PCDHGA7: variants seen among roughly 807,000 people sequenced by gnomAD.
The protein encoded by PCDHGA7 is protocadherin gamma subfamily A, 7.
PCDHGA7 carries 44 observed loss-of-function variants against 58.3 expected under a neutral mutation model. The observed-to-expected ratio is 0.75, with a 90% CI of 0.59 to 0.97. The LOEUF (loss-of-function observed/expected upper bound fraction) is 0.97. Ranked by LOEUF, PCDHGA7 falls within the 50% of genes least tolerant of loss-of-function variation. PCDHGA7 has a pLI of 0.00. For missense variants in PCDHGA7, 1,266 were observed against 1,188.7 expected, an observed-to-expected ratio of 1.06 and a Z score of -0.96; for synonymous variants, 516 against 504.2, an observed-to-expected ratio of 1.02 and a Z score of -0.31.
At chr5:141,463,417 G>A (rs548514637) in intron 1 of PCDHGA7, among the ~76,000 whole-genome samples, 1 of 146,650 alleles carries the variant, frequency 6.8e-6, no homozygotes, top group South Asian at 2.2e-4. Context: ...ATCCTAGTTT[G>A]CGGATCCTCA....
rs763840734 is a variant in PCDHGA7, at chr5:141,428,113, T to C, written c.2424+42790T>C. The stretch of plus-strand genomic sequence containing the variant: ...CTGTCCTACCACGTGCTGCAGGCCA[T>C]CGAGCCCGGGCTTTTCAGCCTGGGG... On this transcript the variant is annotated intron_variant, in intron 1 of 3. Transcript: ENST00000518325. 1.0e-5 allele frequency: 16 copies of C among 1,607,374 alleles called. No homozygotes were observed. In the African/African-American group the frequency reaches 1.9e-4, roughly 19 times the overall value.
rs140184617 is a variant in PCDHGA7, at chr5:141,405,523, G to A, written c.2424+20200G>A. ...CAACCTCCGCCTCCCAAATTCAAGC[G>A]ATTCTCCTGCCTCAGCCTCCCAAGT... is the stretch of plus-strand genomic sequence containing the variant. On this transcript the variant is annotated intron_variant, in intron 1 of 3. Transcript: ENST00000518325. 5.4e-4 allele frequency: 366 copies of A among 679,318 alleles called. 4 individuals carry two copies. In the East Asian group the frequency reaches 9.7e-3, roughly 18 times the overall value. The allele number at this position is 679,318 out of a possible 1,614,324, so 42.1% of individuals were successfully genotyped here.
At position 141,463,977 on chromosome 5, in the gene PCDHGA7, T is replaced by C. The variant is rs948698340; in HGVS notation, c.2425-30830T>C. On this transcript the variant is annotated intron_variant, in intron 1 of 3. Coordinates refer to ENST00000518325, the MANE Select transcript of PCDHGA7 (RefSeq NM_018920.4). ...TTTAAAATAGCTTCATAAAACTCCA[T>C]TGTAAAAACCAGGTGCAGTGGCTCA... Among the ~76,000 whole-genome samples the C allele has an allele frequency of 2.6e-5, 4 of 152,258 alleles. 1 individual carries two copies. The highest frequency in any genetic ancestry group is 4.4e-5 in the Non-Finnish European group (3 of 68,004).
In PCDHGA7 at chr5:141,385,200, C is replaced by T. The variant is rs776177043; in HGVS notation, c.2301C>T (p.His767=). The T allele has an allele frequency of 1.9e-6, 3 of 1,614,214 alleles. No individual in the cohort carries two copies. Among genetic ancestry groups the T allele is most frequent in the Non-Finnish European group, 1.7e-6 (2 of 1,180,030 alleles). ...TCACCGCGGACTCTCGGAAGAGTCA[C>T]CTGATCTTCCCCCAGCCCAACTATG... The part of the protein sequence containing the change: ...VSLTADSRKS[H]LIFPQPNYVD... The change falls in exon 1 of 4, where the codon CAC becomes CAT. Residue 767 remains histidine (H), a synonymous_variant. Coordinates refer to ENST00000518325, the MANE Select transcript of PCDHGA7 (RefSeq NM_018920.4).
At position 141,494,730 on chromosome 5, in the gene PCDHGA7, G is replaced by A. The variant is rs1595262506; in HGVS notation, c.2425-77G>A. 18 of 1,609,816 alleles carry A rather than the reference G, an allele frequency of 1.1e-5. No individual in the cohort carries two copies. In the East Asian group the frequency reaches 4.0e-4, roughly 36 times the overall value. On this transcript the variant is annotated intron_variant, in intron 1 of 3. Coordinates refer to ENST00000518325, the MANE Select transcript of PCDHGA7 (RefSeq NM_018920.4). ...GTGCCCACTCCCCTCCTTCTCTCCC[G>A]GCCCATCCCTAGGGGCTCGGGTGAC...
Position 141,383,863 on chromosome 5 carries a change from C to T in PCDHGA7, c.964C>T (p.Gln322Ter). The change falls in exon 1 of 4, where the codon CAA becomes TAA. Residue 322 changes from glutamine (Q) to a stop codon, truncating the protein, a stop_gained. Coordinates refer to ENST00000518325, the MANE Select transcript of PCDHGA7 (RefSeq NM_018920.4). LOFTEE classifies it high-confidence loss of function. ...CTTCTATGAAATGGAGGTTCAGGCT[C>T]AAGATGGTCCTGGTAGTCTGACAAA... ...TAFYEMEVQA[Q>*]DGPGSLTKAK... The T allele has an allele frequency of 6.2e-7, 1 of 1,613,890 alleles. No homozygotes were observed. Among genetic ancestry groups the T allele is most frequent in the South Asian group, 1.1e-5 (1 of 91,074 alleles).
chr5:141,393,932 C>T (rs758815375), intron 1 of PCDHGA7: 1 of 1,613,916 alleles, frequency 6.2e-7, no homozygotes, highest in East Asian at 2.2e-5. Context: ...GTGTGCATGA[C>T]CAAGACTCTG....
At chr5:141,496,076 C>A (rs2099765713) in intron 2 of PCDHGA7, among the ~76,000 whole-genome samples, 1 of 152,010 alleles carries the variant, frequency 6.6e-6, no homozygotes, top group Non-Finnish European at 1.5e-5. Context: ...GCACACACAA[C>A]CCCCCACCCA....
At chr5:141,420,024 C>T (rs2096459407) in intron 1 of PCDHGA7, 1 of 1,614,088 alleles carries the variant, frequency 6.2e-7, no homozygotes, top group Non-Finnish European at 8.5e-7. Context: ...TTCAGCCCTA[C>T]TGCAGGAGAC....
chr5:141,419,869 G>A, intron 1 of PCDHGA7: 3 of 1,614,072 alleles, frequency 1.9e-6, no homozygotes, highest in South Asian at 1.1e-5. Flanking sequence ...GCTTGCAAGA[G>A]GTACTGCCGG....
At chr5:141,435,954 G>A (rs1163590812) in intron 1 of PCDHGA7, among the ~76,000 whole-genome samples, 2 of 152,092 alleles carry the variant, frequency 1.3e-5, no homozygotes, top group African/African-American at 2.4e-5. Flanking sequence ...AAAAAAGGGG[G>A]CAAAATATAG....
At position 141,511,187 on chromosome 5, in the gene PCDHGA7, C is replaced by T; in HGVS notation, c.*14C>T. The stretch of plus-strand genomic sequence containing the variant: ...GAGAAGAAGTAACATGGAGGCCAGG[C>T]CAAGAGCCACAGGGCGGCCTCTCCC... On this transcript the variant is annotated 3_prime_UTR_variant, in exon 4 of 4. Transcript: ENST00000518325. The T allele has an allele frequency of 1.2e-6, 2 of 1,613,868 alleles. No homozygotes were observed. The highest frequency in any genetic ancestry group is 1.7e-6 in the Non-Finnish European group (2 of 1,179,878).
chr5:141,494,752 T>C (rs889400984), intron 1 of PCDHGA7, 55 bp from the exon 2 acceptor site: 18 of 1,612,206 alleles, frequency 1.1e-5, no homozygotes, highest in Non-Finnish European at 1.5e-5. Context: ...GGGGCTCGGG[T>C]GACATTCTAA....
intron 3 of PCDHGA7, among the ~76,000 whole-genome samples, chr5:141,507,777 CT>C (rs1213538221): frequency 6.6e-6 from 1 of 152,220 alleles, no homozygotes; most frequent in Admixed American, 6.5e-5. Context: ...CACACAGGGC[CT>C]GACCCTCGTC....
chr5:141,398,189 T>A (rs926901002), intron 1 of PCDHGA7: 41 of 1,482,238 alleles, frequency 2.8e-5, no homozygotes, highest in Non-Finnish European at 3.5e-5. Context: ...TTTCTCTTCC[T>A]GCTGTCTTTG....
At chr5:141,419,548 G>C in intron 1 of PCDHGA7, 1 of 1,611,976 alleles carries the variant, frequency 6.2e-7, no homozygotes, top group Non-Finnish European at 8.5e-7. Context: ...CGCGGGTGCT[G>C]TACCCTGCGC....
At chr5:141,398,414 G>C (rs373274513) in intron 1 of PCDHGA7, 1 of 1,487,954 alleles carries the variant, frequency 6.7e-7, no homozygotes, top group Non-Finnish European at 9.3e-7. Flanking sequence ...GAGGAGATAT[G>C]CGGGAAGAAG....
intron 1 of PCDHGA7, chr5:141,420,902 A>T (rs1202945278): frequency 3.4e-6 from 1 of 293,976 alleles, no homozygotes; most frequent in Non-Finnish European, 6.3e-6. Context: ...TAAGCTCTAC[A>T]AATACGTGTG....
chr5:141,506,061 G>A (rs1260513343), intron 3 of PCDHGA7, among the ~76,000 whole-genome samples: 2 of 152,144 alleles, frequency 1.3e-5, no homozygotes, highest in Non-Finnish European at 2.9e-5. Flanking sequence ...GGTTGACTAA[G>A]GGCTTCCTTT....
Sources: allele counts gnomAD v4.1 joint callset (sites outside exome capture counted in the v4.1 genomes callset), GRCh38; gene constraint gnomAD v4.1.1; transcripts MANE v1.5; gene names NCBI Gene and HGNC (gene_info 2026-07-23, HGNC 2026-07-21).